Variants in NLRP5 observed in about 807,000 individuals in gnomAD.
NLRP5 encodes the protein NLR family pyrin domain containing 5.
Under a neutral mutation model 113.1 loss-of-function variants are expected in NLRP5, and 93 were observed. The ratio of observed to expected loss-of-function variants is 0.82; its 90% CI spans 0.70 to 0.98. The LOEUF (loss-of-function observed/expected upper bound fraction) is 0.98. Among genes scored for constraint, NLRP5 ranks in the 50% least tolerant of loss-of-function variants. The pLI is 0.00. For synonymous variants in NLRP5, 751 were observed against 600.7 expected (o/e 1.25, Z -3.66); for missense variants, 1,808 against 1,514.3 (o/e 1.19, Z -3.22).
At chr19:56,018,282 C>G (rs1982484651) in intron 4 of NLRP5, among the ~76,000 whole-genome samples, 1 of 152,078 alleles carries the variant, frequency 6.6e-6, no homozygotes. Context: ...CAAAGACCAC[C>G]CTAATGATTG....
chr19:55,993,117 G>A, the NLRP5 span, among the ~76,000 whole-genome samples: 1 of 151,982 alleles, frequency 6.6e-6, no homozygotes, highest in South Asian at 2.1e-4. Context: ...CCAAAGTGCT[G>A]GGATTACAGG....
chr19:56,043,862 C>T (rs1198574691), intron 11 of NLRP5, among the ~76,000 whole-genome samples: 1 of 151,602 alleles, frequency 6.6e-6, no homozygotes, highest in Admixed American at 6.6e-5. Flanking sequence ...CAGGCGTGAG[C>T]CACCACGCCT....
intron 6 of NLRP5, among the ~76,000 whole-genome samples, chr19:56,026,220 A>AT (rs914333520): frequency 6.2e-4 from 94 of 151,954 alleles, no homozygotes; most frequent in African/African-American, 2.0e-3. Context: ...TGTGAGGTAT[A>AT]TTTTTACTAA....
Position 56,017,684 on chromosome 19 carries a change from A to C in NLRP5, c.566-1658A>C, listed in dbSNP as rs191639585. ...TTTATGCCTGATGTATCTATCTTGAAGAAGGTCTGTTTGCAGTTGAGAAGG... is the reference window on the plus strand; with the variant it reads ...TTTATGCCTGATGTATCTATCTTGACGAAGGTCTGTTTGCAGTTGAGAAGG... On this transcript the variant is annotated intron_variant, in intron 4 of 14. Transcript: ENST00000390649. Among the ~76,000 whole-genome samples the C allele has an allele frequency of 3.3e-5, 5 of 152,326 alleles. No homozygotes were observed. In the East Asian group the frequency reaches 9.6e-4, roughly 29 times the overall value.
rs1353738814 is a variant in NLRP5 at position 56,038,078 on chromosome 19, T to C, written c.2669T>C (p.Leu890Pro). The C allele has an allele frequency of 1.2e-6, 2 of 1,613,816 alleles. No individual in the cohort carries two copies. Among genetic ancestry groups the C allele is most frequent in the Non-Finnish European group, 1.7e-6 (2 of 1,179,868 alleles). The stretch of plus-strand genomic sequence containing the variant: ...TGTTACCTGAAGATCTCCCAAATCC[T>C]TACGACCTCCCCCAGCCTGAAATCT... Residue 890 changes from leucine to proline, a missense_variant, in exon 10 of 15, where the codon CTT becomes CCT. By Grantham distance (98) the Leu-to-Pro change is moderately conservative. Coordinates refer to ENST00000390649, the MANE Select transcript of NLRP5 (RefSeq NM_153447.4).
intron 6 of NLRP5, among the ~76,000 whole-genome samples, chr19:56,020,887 T>C (rs1332943556): frequency 2.0e-5 from 3 of 151,888 alleles, no homozygotes; most frequent in Non-Finnish European, 4.4e-5. Flanking sequence ...TTTTTTTTTT[T>C]TTTTGAGAAG....
chr19:55,996,448 C>T (rs574106736), upstream of NLRP5, among the ~76,000 whole-genome samples: 5 of 152,222 alleles, frequency 3.3e-5, no homozygotes, highest in East Asian at 9.7e-4. Flanking sequence ...GTGTGCTGCA[C>T]CCATTAACTC....
At position 56,045,708 on chromosome 19, in the gene NLRP5, A is replaced by G. The variant is rs570784547; in HGVS notation, c.2957+4616A>G. Among the ~76,000 whole-genome samples, 3 of 152,248 alleles carry G rather than the reference A, an allele frequency of 2.0e-5. No individual in the cohort carries two copies. In the South Asian group the frequency reaches 6.2e-4, roughly 32 times the overall value. ...GGAGCTAGTTTTATCGGTTAGGGAT[A>G]AGCAGTGGAAAGTAACAGTCTGGGA... On this transcript the variant is annotated intron_variant, in intron 11 of 14. Coordinates refer to ENST00000390649, the MANE Select transcript of NLRP5 (RefSeq NM_153447.4).
At chr19:55,994,771 A>G (rs1981272158), upstream of NLRP5, among the ~76,000 whole-genome samples, 1 of 152,080 alleles carries the variant, frequency 6.6e-6, no homozygotes, top group South Asian at 2.1e-4. Context: ...CTATTGGTCT[A>G]TTTTTGCTTT....
At chr19:56,053,034 T>C (rs1267609580) in intron 12 of NLRP5, among the ~76,000 whole-genome samples, 2 of 150,332 alleles carry the variant, frequency 1.3e-5, no homozygotes, top group African/African-American at 4.9e-5. Flanking sequence ...GAGGTGGAGG[T>C]TGCAGTGAGC....
chr19:55,997,548 G>A (rs1484205357), upstream of NLRP5, among the ~76,000 whole-genome samples: 1 of 152,060 alleles, frequency 6.6e-6, no homozygotes, highest in Admixed American at 6.6e-5. Flanking sequence ...AGTTTAAAAG[G>A]TAGCTGGGCA....
chr19:56,057,362 C>G (rs1374419706), intron 13 of NLRP5, among the ~76,000 whole-genome samples: 2 of 151,544 alleles, frequency 1.3e-5, no homozygotes, highest in East Asian at 4.0e-4. Flanking sequence ...CCTTGGCTTT[C>G]TGTTGCTCTT....
chr19:56,039,440 G>C (rs1256135488), intron 10 of NLRP5, among the ~76,000 whole-genome samples: 4 of 152,166 alleles, frequency 2.6e-5, no homozygotes, highest in Admixed American at 2.6e-4. Flanking sequence ...GCTGGTATCA[G>C]CAGTGAGACA....
intron 11 of NLRP5, among the ~76,000 whole-genome samples, chr19:56,044,064 G>A (rs1024950313): frequency 2.8e-4 from 39 of 138,256 alleles, no homozygotes; most frequent in Admixed American, 4.2e-4. Flanking sequence ...TTAAGTCTTA[G>A]GTCTTTTTTT....
At chr19:55,994,751 G>A (rs1007651140), upstream of NLRP5, among the ~76,000 whole-genome samples, 2 of 152,130 alleles carry the variant, frequency 1.3e-5, no homozygotes, top group Non-Finnish European at 2.9e-5. Flanking sequence ...CTCTTTAGTT[G>A]GATGTACTCC....
chr19:56,053,599 C>T (rs963492336), intron 12 of NLRP5, 39 bp from the exon 13 acceptor site: 17 of 1,573,550 alleles, frequency 1.1e-5, no homozygotes, highest in East Asian at 4.5e-5. Context: ...CCACTTTCCT[C>T]GAGAGAGGCA....
At chr19:56,013,596 G>GGTTTTTTTTTTTTTTTTTTTT (rs1555765383) in intron 3 of NLRP5, among the ~76,000 whole-genome samples, 78 of 59,286 alleles carry the variant, frequency 1.3e-3, no homozygotes, top group Non-Finnish European at 1.7e-3. Flanking sequence ...GGACATTTGG[G>GGTTTTTTTTTTTTTTTTTTTT]TTTTTTTTTT....
chr19:56,023,491 A>G (rs1982695513), intron 6 of NLRP5, among the ~76,000 whole-genome samples: 1 of 152,234 alleles, frequency 6.6e-6, no homozygotes, highest in Non-Finnish European at 1.5e-5. Context: ...CAAAGTTCCA[A>G]AAAGCGAAAT....
chr19:55,995,147 G>A (rs563968408), upstream of NLRP5, among the ~76,000 whole-genome samples: 42 of 152,202 alleles, frequency 2.8e-4, no homozygotes, highest in Non-Finnish European at 2.9e-4. Flanking sequence ...CTCATAGGTG[G>A]GAATTGAACA....
Sources: allele counts gnomAD v4.1 joint callset (sites outside exome capture counted in the v4.1 genomes callset), GRCh38; gene constraint gnomAD v4.1.1; transcripts MANE v1.5; gene names NCBI Gene and HGNC (gene_info 2026-07-23, HGNC 2026-07-21).